Variants in MANBA observed in about 807,000 individuals in gnomAD.
MANBA encodes the protein mannosidase beta.
In MANBA, 83 loss-of-function variants were observed where a neutral mutation model predicts 111.1. That is an observed-to-expected ratio of 0.75 (90% CI 0.63 to 0.90). MANBA has a LOEUF of 0.90. Ranked by LOEUF, MANBA falls within the 40% of genes least tolerant of loss-of-function variation. The pLI is 0.00. For synonymous variants in MANBA, 370 were observed against 378.7 expected (o/e 0.98, Z 0.27); for missense variants, 1,036 against 1,069.0 (o/e 0.97, Z 0.43).
At chr4:102,752,559 C>A in intron 1 of MANBA, 1 of 678,888 alleles carries the variant, frequency 1.5e-6, no homozygotes, top group Non-Finnish European at 2.8e-6. Flanking sequence ...GATAGGGACA[C>A]AGGGCTACTT....
At chr4:102,646,314 C>T (rs1433121616) in intron 13 of MANBA, among the ~76,000 whole-genome samples, 1 of 152,080 alleles carries the variant, frequency 6.6e-6, no homozygotes, top group Admixed American at 6.6e-5. Flanking sequence ...CTCAGTATGA[C>T]CTGGATCTTC....
intron 5 of MANBA, among the ~76,000 whole-genome samples, chr4:102,709,991 A>T (rs1428845043): frequency 2.0e-5 from 3 of 152,208 alleles, no homozygotes; most frequent in Non-Finnish European, 4.4e-5. Flanking sequence ...TCAACAAATT[A>T]GTCATAGAAG....
chr4:102,748,681 G>A (rs745936728), intron 1 of MANBA, among the ~76,000 whole-genome samples: 15 of 152,132 alleles, frequency 9.9e-5, no homozygotes, highest in South Asian at 2.1e-4. Context: ...TTGGGGGGCC[G>A]AGGTGGGCGG....
chr4:102,695,651 T>G (rs1399060300), intron 5 of MANBA, among the ~76,000 whole-genome samples: 5 of 152,128 alleles, frequency 3.3e-5, no homozygotes, highest in Non-Finnish European at 7.4e-5. Flanking sequence ...CTGCAGCACT[T>G]CCCTCTTGAG....
At chr4:102,735,521 CAA>C (rs35650118) in intron 1 of MANBA, among the ~76,000 whole-genome samples, 1,491 of 113,196 alleles carry the variant, frequency 0.013, 20 homozygotes, top group African/African-American at 0.041. Flanking sequence ...GAGAAAATAC[CAA>C]AAAAAAAAAA....
intron 1 of MANBA, chr4:102,728,712 G>T: frequency 1.5e-6 from 1 of 678,306 alleles, no homozygotes; most frequent in Non-Finnish European, 2.5e-6. Flanking sequence ...GAGAGTCGCA[G>T]GAGGGGCAGG....
chr4:102,668,881 C>A (rs1731350482), intron 10 of MANBA, 82 bp downstream of exon 10: 2 of 1,219,462 alleles, frequency 1.6e-6, no homozygotes, highest in Non-Finnish European at 2.4e-6. Flanking sequence ...AGAACAAAAA[C>A]CAAAATGAAG....
chr4:102,747,779 A>G (rs1723641536), intron 1 of MANBA, among the ~76,000 whole-genome samples: 1 of 152,206 alleles, frequency 6.6e-6, no homozygotes, highest in African/African-American at 2.4e-5. Context: ...CTCTAAGTGA[A>G]AAAAGTTGCA....
chr4:102,722,029 C>CAAA (rs562110956), intron 4 of MANBA, among the ~76,000 whole-genome samples: 8 of 87,178 alleles, frequency 9.2e-5, no homozygotes, highest in South Asian at 4.0e-4. Flanking sequence ...GACCCAGTCT[C>CAAA]AAAAAAAAAA....
intron 13 of MANBA, among the ~76,000 whole-genome samples, chr4:102,649,890 T>C (rs915774178): frequency 6.6e-6 from 1 of 152,150 alleles, no homozygotes; most frequent in Non-Finnish European, 1.5e-5. Flanking sequence ...TCTTCAGTCA[T>C]TGGTCAAATG....
chr4:102,746,324 C>T (rs1307086837), intron 1 of MANBA, among the ~76,000 whole-genome samples: 1 of 152,206 alleles, frequency 6.6e-6, no homozygotes, highest in Non-Finnish European at 1.5e-5. Context: ...CAGCCACTCA[C>T]ATGATAAGAG....
At chr4:102,726,910 C>T (rs751283221) in intron 1 of MANBA, among the ~76,000 whole-genome samples, 6 of 152,160 alleles carry the variant, frequency 3.9e-5, no homozygotes, top group Non-Finnish European at 8.8e-5. Flanking sequence ...ATAAATAATA[C>T]AGCTTCATTA....
chr4:102,727,677 G>A (rs2110196903), intron 1 of MANBA: 2 of 1,333,686 alleles, frequency 1.5e-6, no homozygotes, highest in Non-Finnish European at 2.2e-6. Flanking sequence ...CGCAGTCTCA[G>A]CAGAATCTCC....
At chr4:102,726,246 C>A (rs1722793478) in intron 2 of MANBA, among the ~76,000 whole-genome samples, 1 of 152,054 alleles carries the variant, frequency 6.6e-6, no homozygotes, top group South Asian at 2.1e-4. Flanking sequence ...CTGTGCTTCA[C>A]CTCCTGGCTT....
intron 4 of MANBA, 128 bp downstream of exon 4, chr4:102,722,743 C>T (rs1454485797): frequency 3.3e-6 from 3 of 917,468 alleles, no homozygotes; most frequent in Non-Finnish European, 5.3e-6. Context: ...AATTTTCAAA[C>T]CCCACTAAGG....
At position 102,653,197 on chromosome 4, in the gene MANBA, C is replaced by T. The variant is rs186427326; in HGVS notation, c.1705-2496G>A. ...TTAACTTAATCTTTACTCATAAACA[C>T]ACGCGCATATGCAGATCTACATGCA... On this transcript the variant is annotated intron_variant, in intron 12 of 16. Transcript: ENST00000647097. Among the ~76,000 whole-genome samples, 312 of 150,792 alleles carry T rather than the reference C, an allele frequency of 2.1e-3. 1 individual carries two copies. Among genetic ancestry groups the T allele is most frequent in the African/African-American group, 7.5e-3 (305 of 40,876 alleles).
chr4:102,724,538 G>A (rs1480281064), intron 2 of MANBA, among the ~76,000 whole-genome samples: 12 of 97,312 alleles, frequency 1.2e-4, no homozygotes, highest in Non-Finnish European at 1.7e-4. Context: ...GCAAGATTCC[G>A]TCTCAAAAAA....
At chr4:102,711,888 T>C (rs1722083821) in intron 5 of MANBA, among the ~76,000 whole-genome samples, 1 of 151,934 alleles carries the variant, frequency 6.6e-6, no homozygotes, top group Non-Finnish European at 1.5e-5. Flanking sequence ...AGTGAAATAA[T>C]AGAGACGAGA....
chr4:102,759,880 A>T (rs1341501939), intron 1 of MANBA, among the ~76,000 whole-genome samples: 1 of 152,190 alleles, frequency 6.6e-6, no homozygotes, highest in Non-Finnish European at 1.5e-5. Context: ...CAGAGTTGTT[A>T]TGAGGATTGG....
Sources: gnomAD v4.1 joint callset for allele counts (sites outside exome capture counted in the v4.1 genomes callset) on GRCh38, gnomAD v4.1.1 for gene constraint, MANE v1.5 for transcripts, NCBI Gene and HGNC (gene_info 2026-07-23, HGNC 2026-07-21) for gene names.